ERC2: variants seen among roughly 807,000 people sequenced by gnomAD.
ERC2 encodes ERC protein 2.
In ERC2, 42 loss-of-function variants were observed where a neutral mutation model predicts 114.8. That is an observed-to-expected ratio of 0.37 (90% confidence interval 0.29 to 0.47). ERC2 has a LOEUF of 0.47. Ranked by LOEUF, ERC2 falls within the 20% of genes least tolerant of loss-of-function variation. ERC2 has a pLI of 0.99. For synonymous variants in ERC2, 454 were observed against 425.5 expected (o/e 1.07, Z -0.82); for missense variants, 939 against 1,150.7 (o/e 0.82, Z 2.66).
intron 8 of ERC2, among the ~76,000 whole-genome samples, chr3:56,016,187 C>T (rs896072744): frequency 2.6e-5 from 4 of 152,198 alleles, no homozygotes; most frequent in African/African-American, 9.6e-5. Context: ...GTTTCTTTTG[C>T]TGTGCAAAAG....
At chr3:56,137,167 G>A (rs1370999625) in intron 6 of ERC2, among the ~76,000 whole-genome samples, 1 of 152,144 alleles carries the variant, frequency 6.6e-6, no homozygotes, top group Non-Finnish European at 1.5e-5. Flanking sequence ...AAGCCTTTCT[G>A]ACCTGGCTCC....
chr3:55,854,005 C>T (rs775349720), intron 14 of ERC2, among the ~76,000 whole-genome samples: 5 of 152,098 alleles, frequency 3.3e-5, no homozygotes, highest in Non-Finnish European at 7.4e-5. Flanking sequence ...CCCAGCGCGG[C>T]GGCTCACACC....
chr3:55,642,604 C>T (rs755598893), intron 17 of ERC2, among the ~76,000 whole-genome samples: 1 of 152,118 alleles, frequency 6.6e-6, no homozygotes, highest in Non-Finnish European at 1.5e-5. Flanking sequence ...GCTGGGATTA[C>T]AGGTGTGATC....
At chr3:55,728,594 C>CT (rs2065062680) in intron 15 of ERC2, among the ~76,000 whole-genome samples, 2 of 152,278 alleles carry the variant, frequency 1.3e-5, no homozygotes, top group South Asian at 2.1e-4. Flanking sequence ...GCAGTAAGGA[C>CT]TGGGGGGTGA....
intron 17 of ERC2, among the ~76,000 whole-genome samples, chr3:55,528,548 T>G (rs1432765172): frequency 1.3e-5 from 2 of 152,184 alleles, no homozygotes; most frequent in Admixed American, 6.5e-5. Context: ...AAAAAAAATT[T>G]TAGCACTCTC....
At chr3:56,216,238 G>T (rs1341568659) in intron 3 of ERC2, among the ~76,000 whole-genome samples, 3 of 152,126 alleles carry the variant, frequency 2.0e-5, no homozygotes, top group African/African-American at 7.2e-5. Flanking sequence ...AAAATTGATA[G>T]ACTGCTAGTA....
chr3:55,944,507 T>C (rs1231638757), intron 13 of ERC2, among the ~76,000 whole-genome samples: 2 of 152,196 alleles, frequency 1.3e-5, no homozygotes, highest in Non-Finnish European at 2.9e-5. Context: ...TTACTGCACA[T>C]TTGGAAAAAC....
chr3:55,897,685 G>A (rs929806781), intron 13 of ERC2, among the ~76,000 whole-genome samples: 5 of 152,204 alleles, frequency 3.3e-5, no homozygotes, highest in East Asian at 1.9e-4. Flanking sequence ...CAACTCCTCC[G>A]ACAGTGATGC....
At chr3:55,782,856 G>A (rs578194090) in intron 14 of ERC2, among the ~76,000 whole-genome samples, 2 of 152,274 alleles carry the variant, frequency 1.3e-5, no homozygotes, top group East Asian at 1.9e-4. Flanking sequence ...TTAAATAGCA[G>A]AGGCATCAAA....
chr3:56,099,017 T>C (rs1575416421), intron 6 of ERC2, among the ~76,000 whole-genome samples: 1 of 152,234 alleles, frequency 6.6e-6, no homozygotes, highest in African/African-American at 2.4e-5. Context: ...TCTTTCAAAA[T>C]GTGATTAAGA....
intron 17 of ERC2, among the ~76,000 whole-genome samples, chr3:55,592,595 T>G (rs1429943854): frequency 6.6e-6 from 1 of 152,210 alleles, no homozygotes. Flanking sequence ...CTCTTTGTCT[T>G]GCCAGGTCCT....
intron 6 of ERC2, among the ~76,000 whole-genome samples, chr3:56,119,962 G>C (rs1306768300): frequency 2.0e-5 from 3 of 152,186 alleles, no homozygotes; most frequent in South Asian, 2.1e-4. Flanking sequence ...GACCATCTTA[G>C]CAAAAAGGTA....
chr3:55,660,481 G>A (rs2061079257), intron 17 of ERC2, among the ~76,000 whole-genome samples: 1 of 146,366 alleles, frequency 6.8e-6, no homozygotes, highest in South Asian at 2.1e-4. Context: ...GGGCGGGGGT[G>A]GCGTGGGAGT....
chr3:55,908,739 A>G (rs756118815), intron 13 of ERC2, among the ~76,000 whole-genome samples: 13 of 152,232 alleles, frequency 8.5e-5, no homozygotes, highest in Admixed American at 2.0e-4. Context: ...CAGGGGGGTC[A>G]CCACAACTCC....
chr3:55,863,470 T>G (rs1310004281), intron 14 of ERC2, among the ~76,000 whole-genome samples: 1 of 152,172 alleles, frequency 6.6e-6, no homozygotes, highest in African/African-American at 2.4e-5. Flanking sequence ...AATGCAATTT[T>G]CAAAATGTAG....
chr3:56,332,125 C>G (rs1195118173), intron 2 of ERC2, among the ~76,000 whole-genome samples: 1 of 102,084 alleles, frequency 9.8e-6, no homozygotes, highest in Non-Finnish European at 2.2e-5. Context: ...GAAAGACTTC[C>G]TATTTTTCAC....
intron 12 of ERC2, among the ~76,000 whole-genome samples, chr3:55,957,571 G>A (rs918201735): frequency 1.1e-4 from 16 of 152,170 alleles, no homozygotes; most frequent in African/African-American, 3.6e-4. Flanking sequence ...AAGTGGGTTC[G>A]TTCAACCCAC....
intron 17 of ERC2, among the ~76,000 whole-genome samples, chr3:55,593,079 T>C (rs1559710060): frequency 1.3e-5 from 2 of 152,252 alleles, no homozygotes; most frequent in African/African-American, 4.8e-5. Context: ...CATGTTGTGC[T>C]GTGAGAGCAC....
intron 2 of ERC2, among the ~76,000 whole-genome samples, chr3:56,313,729 C>A (rs577452444): frequency 7.2e-4 from 109 of 152,306 alleles, no homozygotes; most frequent in African/African-American, 2.4e-3. Flanking sequence ...ATAGAATTAG[C>A]CTGGCTTGGG....
Sources: allele counts gnomAD v4.1 joint callset (sites outside exome capture counted in the v4.1 genomes callset), GRCh38; gene constraint gnomAD v4.1.1; transcripts MANE v1.5; gene names NCBI Gene and HGNC (gene_info 2026-07-23, HGNC 2026-07-21).